The following VAV2 variants were observed in gnomAD, a reference collection of about 807,000 sequenced individuals.
The protein encoded by VAV2 is vav guanine nucleotide exchange factor 2.
A neutral mutation model predicts 132.5 loss-of-function variants in VAV2; 67 were observed. The ratio of observed to expected loss-of-function variants is 0.51; its 90% CI spans 0.42 to 0.62. The LOEUF is 0.62. VAV2 is among the 20% of genes least tolerant of loss of function. The pLI, the probability that VAV2 is intolerant of heterozygous loss-of-function variation, is 0.00. For missense variants in VAV2, 938 were observed against 1,153.6 expected, an observed-to-expected ratio of 0.81 and a Z score of 2.71; for synonymous variants, 492 against 443.5, an observed-to-expected ratio of 1.11 and a Z score of -1.37.
In VAV2 at chr9:133,788,392, T is replaced by C; in HGVS notation, c.1369A>G (p.Met457Val). ...TTGTTGTTCATGGGGTCGTCGGTCA[T>C]CTTGTGGAACAGCAGCTCGATGATC... ...KEIIELLFHK[M>V]TDDPMNNKDV... The change falls in exon 15 of 30, where the codon ATG becomes GTG. Residue 457 changes from methionine (M) to valine (V), a missense_variant. By Grantham distance (21) the Met-to-Val change is conservative (BLOSUM62 1). Coordinates refer to ENST00000371850, the MANE Select transcript of VAV2 (RefSeq NM_001134398.2). The surrounding 1 kb of genome is among the most constrained non-coding windows in gnomAD (Gnocchi z 5.3). 1 of 1,611,668 alleles carries C rather than the reference T, an allele frequency of 6.2e-7. No individual in the cohort carries two copies. The highest frequency in any genetic ancestry group is 1.1e-5 in the South Asian group (1 of 91,022).
chr9:133,787,310 A>C (rs773206695), intron 15 of VAV2, 50 bp from the exon 16 acceptor site: 9 of 1,537,344 alleles, frequency 5.9e-6, no homozygotes, highest in Non-Finnish European at 7.0e-6. Context: ...GTGAGAGGCT[A>C]AGCCCGGCCC....
intron 2 of VAV2, among the ~76,000 whole-genome samples, chr9:133,938,171 T>A (rs910971678): frequency 6.6e-6 from 1 of 152,122 alleles, no homozygotes; most frequent in Non-Finnish European, 1.5e-5. Context: ...AGGCAGTAAA[T>A]ATCTTGTTAC....
At chr9:133,966,346 C>T (rs182470001) in intron 1 of VAV2, among the ~76,000 whole-genome samples, 67 of 152,310 alleles carry the variant, frequency 4.4e-4, no homozygotes, top group African/African-American at 1.6e-3. Flanking sequence ...GAAGAGAAAA[C>T]CTACAGGATA....
At chr9:133,856,403 C>A (rs566038092) in intron 3 of VAV2, among the ~76,000 whole-genome samples, 1 of 152,266 alleles carries the variant, frequency 6.6e-6, no homozygotes, top group East Asian at 1.9e-4. Context: ...TGAGCCCCAA[C>A]CGGGTCCCCA....
intron 4 of VAV2, among the ~76,000 whole-genome samples, chr9:133,815,688 C>CA (rs1835530992): frequency 6.6e-6 from 1 of 152,166 alleles, no homozygotes; most frequent in Non-Finnish European, 1.5e-5. Context: ...AACGTGCTAC[C>CA]CATCTTCCTT....
At chr9:133,781,984 G>A (rs1834024924) in intron 19 of VAV2, among the ~76,000 whole-genome samples, 1 of 152,198 alleles carries the variant, frequency 6.6e-6, no homozygotes, top group Admixed American at 6.5e-5. Flanking sequence ...GACAGTGCTT[G>A]GGGCCTCGTG....
chr9:133,862,890 G>A (rs549659176), intron 2 of VAV2, among the ~76,000 whole-genome samples: 1 of 152,346 alleles, frequency 6.6e-6, no homozygotes, highest in South Asian at 2.1e-4. Context: ...ATGAACCATA[G>A]AGACGGCGGG....
rs1179977486 is a variant in VAV2, at chr9:133,834,267, C to T, written c.449+5G>A. On this transcript the variant is annotated splice_donor_5th_base_variant and intron_variant, in intron 4 of 29. Coordinates refer to ENST00000371850, the MANE Select transcript of VAV2 (RefSeq NM_001134398.2). This position sits in a 1 kb window ranked among gnomAD's most constrained non-coding sequence, Gnocchi z 5.9. ...TCCATCCCTCCTCCCATCCCCCCGC[C>T]TTACTCGGCCAGCTCCTCCAGGCTG... 6.2e-7 allele frequency: 1 copy of T among 1,608,874 alleles called. No homozygotes were observed. Among genetic ancestry groups the T allele is most frequent in the Non-Finnish European group, 8.5e-7 (1 of 1,177,568 alleles).
In VAV2 at chr9:133,778,854, T is replaced by G; in HGVS notation, c.1798A>C (p.Asn600His). The change falls in exon 22 of 30, where the codon AAC becomes CAC. Residue 600 changes from asparagine to histidine, a missense_variant. By Grantham distance (68) the Asn-to-His change is moderately conservative. Coordinates refer to ENST00000371850, the MANE Select transcript of VAV2 (RefSeq NM_001134398.2). Reference protein sequence around the residue: ...KMVAMQNYHGNPAPPGKPVLT... With the variant: ...KMVAMQNYHGHPAPPGKPVLT... ...ACAGGCTTCCCGGGAGGGGCTGGGTTGCCATGGTAATTCTGCATGGCCACC... is the reference window on the plus strand; with the variant it reads ...ACAGGCTTCCCGGGAGGGGCTGGGTGGCCATGGTAATTCTGCATGGCCACC... The G allele has an allele frequency of 6.2e-7, 1 of 1,612,774 alleles. No homozygotes were observed. Among genetic ancestry groups the G allele is most frequent in the Middle Eastern group, 1.7e-4 (1 of 6,060 alleles).
Position 133,769,633 on chromosome 9 carries a change from C to A in VAV2, c.2348-130G>T. 6.4e-6 allele frequency: 6 copies of A among 939,284 alleles called. No homozygotes were observed. Among genetic ancestry groups the A allele is most frequent in the Non-Finnish European group, 7.9e-6 (5 of 636,894 alleles). The allele number at this position is 939,284 out of a possible 1,614,324, so 58.2% of individuals were successfully genotyped here. On this transcript the variant is annotated intron_variant, in intron 27 of 29. Coordinates refer to ENST00000371850, the MANE Select transcript of VAV2 (RefSeq NM_001134398.2). This position sits in a 1 kb window ranked among gnomAD's most constrained non-coding sequence, Gnocchi z 8.1. ...TGGCAGGAGAGGCCCTACAGGGGGG[C>A]AAAGGAGGCAGGGGGCAGCACGGGT...
chr9:133,898,185 G>A (rs986545580), intron 2 of VAV2, among the ~76,000 whole-genome samples: 1 of 152,148 alleles, frequency 6.6e-6, no homozygotes, highest in African/African-American at 2.4e-5. Flanking sequence ...AGGAAACTGA[G>A]GCCGGGCGGG....
At chr9:133,817,637 G>C (rs996693155) in intron 4 of VAV2, among the ~76,000 whole-genome samples, 1 of 152,136 alleles carries the variant, frequency 6.6e-6, no homozygotes. Flanking sequence ...ATAATAAAGT[G>C]CGTAACTTCC....
chr9:133,789,097 G>T (rs922686660), intron 14 of VAV2, among the ~76,000 whole-genome samples, 161 bp downstream of exon 14: 10 of 152,250 alleles, frequency 6.6e-5, no homozygotes, highest in Non-Finnish European at 1.2e-4. Flanking sequence ...TCGCTGACGA[G>T]AAGGAAGGAA....
intron 2 of VAV2, among the ~76,000 whole-genome samples, chr9:133,910,973 G>A (rs924031397): frequency 1.1e-4 from 17 of 152,214 alleles, no homozygotes; most frequent in Non-Finnish European, 2.1e-4. Flanking sequence ...TATGGGTCAC[G>A]GCAGTGATGG....
intron 6 of VAV2, 92 bp downstream of exon 6, chr9:133,810,099 C>A: frequency 6.3e-7 from 1 of 1,578,594 alleles, no homozygotes; most frequent in South Asian, 1.1e-5. Context: ...GGCAGGGTCC[C>A]GAGTTTTCTC....
chr9:133,884,476 G>C lies in VAV2; in HGVS notation c.322-23044C>G, dbSNP rs1838623039. Among the ~76,000 whole-genome samples, 1 of 152,072 alleles carries C rather than the reference G, an allele frequency of 6.6e-6. No homozygotes were observed. Among genetic ancestry groups the C allele is most frequent in the Non-Finnish European group, 1.5e-5 (1 of 68,002 alleles). ...TAATTAGGGAGGGGGGTGCCAGCCT[G>C]GGGGGCGTGGTGGGGACTCCGCAAG... On this transcript the variant is annotated intron_variant, in intron 2 of 29. Transcript: ENST00000371850. This position sits in a 1 kb window ranked among gnomAD's most constrained non-coding sequence, Gnocchi z 5.3.
At chr9:133,901,336 T>C (rs757625242) in intron 2 of VAV2, among the ~76,000 whole-genome samples, 40 of 152,286 alleles carry the variant, frequency 2.6e-4, no homozygotes, top group Non-Finnish European at 5.3e-4. Context: ...AGAAGAGGCA[T>C]GGTTATTCCC....
intron 2 of VAV2, among the ~76,000 whole-genome samples, chr9:133,886,578 C>T (rs890399273): frequency 3.9e-5 from 6 of 152,166 alleles, no homozygotes; most frequent in Admixed American, 2.6e-4. Context: ...GTGTTTGCGC[C>T]TGTGTCTGGG....
Position 133,852,191 on chromosome 9 carries a change from C to T in VAV2, c.380+9183G>A, listed in dbSNP as rs566195719. ...GTGGGTAGATGTAGCGATGAGGGGACGGATGGACAGACTGATGAATAGACA... is the reference window on the plus strand; with the variant it reads ...GTGGGTAGATGTAGCGATGAGGGGATGGATGGACAGACTGATGAATAGACA... On this transcript the variant is annotated intron_variant, in intron 3 of 29. Coordinates refer to ENST00000371850, the MANE Select transcript of VAV2 (RefSeq NM_001134398.2). 6.3e-4 allele frequency among the ~76,000 whole-genome samples: 95 copies of T among 150,956 alleles called. 1 individual carries two copies. Among genetic ancestry groups the T allele is most frequent in the Admixed American group, 3.1e-3 (47 of 15,168 alleles).
Sources: allele counts gnomAD v4.1 joint callset (sites outside exome capture counted in the v4.1 genomes callset), GRCh38; gene constraint gnomAD v4.1.1; non-coding constraint Gnocchi (gnomAD v3.1); transcripts MANE v1.5; gene names NCBI Gene and HGNC (gene_info 2026-07-23, HGNC 2026-07-21).